Variants in ZFYVE28 observed in about 807,000 individuals in gnomAD.
The protein encoded by ZFYVE28 is lateral signaling target protein 2 homolog.
ZFYVE28 carries 40 observed loss-of-function variants against 82.1 expected under a neutral mutation model. The ratio of observed to expected loss-of-function variants is 0.49; its 90% confidence interval spans 0.38 to 0.63. ZFYVE28 has a LOEUF of 0.63. Among genes scored for constraint, ZFYVE28 ranks in the 30% least tolerant of loss-of-function variants. The probability of loss-of-function intolerance (pLI) is 0.00; values close to 1 mark genes in which losing one functional copy is unlikely to be tolerated. For missense variants in ZFYVE28, 1,321 were observed against 1,242.1 expected (o/e 1.06, Z -0.96); for synonymous variants, 612 against 546.1 (o/e 1.12, Z -1.68).
chr4:2,305,391 C>G lies in ZFYVE28; in HGVS notation c.949G>C (p.Glu317Gln), dbSNP rs61789417. 3 of 1,612,704 alleles carry G rather than the reference C, an allele frequency of 1.9e-6. No homozygotes were observed. The highest frequency in any genetic ancestry group is 2.7e-5 in the African/African-American group (2 of 75,070). The change falls in exon 8 of 13, where the codon GAG becomes CAG. Residue 317 changes from glutamate (E) to glutamine (Q), a missense_variant. Transcript: ENST00000290974. ...APALSAPLPP[E>Q]GPLSAKAKDP... Reference sequence around the variant, plus strand: ...TTGGCCTTAGCTGAGAGTGGCCCCTCAGGGGGGAGAGGGGCAGAGAGGGCA... The same window carrying G: ...TTGGCCTTAGCTGAGAGTGGCCCCTGAGGGGGGAGAGGGGCAGAGAGGGCA...
intron 8 of ZFYVE28, among the ~76,000 whole-genome samples, chr4:2,294,785 C>T (rs539826103): frequency 6.6e-5 from 10 of 152,194 alleles, no homozygotes; most frequent in East Asian, 1.9e-4. Context: ...TGTCAACAGA[C>T]GCTTCACCAA....
chr4:2,284,463 A>G (rs1296775538), intron 8 of ZFYVE28, among the ~76,000 whole-genome samples: 2 of 152,148 alleles, frequency 1.3e-5, no homozygotes, highest in Non-Finnish European at 2.9e-5. Flanking sequence ...TTTCAGAGGA[A>G]GCATTTTGGT....
At chr4:2,309,922 G>C (rs1007792068) in intron 7 of ZFYVE28, among the ~76,000 whole-genome samples, 11 of 152,044 alleles carry the variant, frequency 7.2e-5, no homozygotes, top group African/African-American at 2.7e-4. Flanking sequence ...TTTTTCAAAT[G>C]CTTTTCTTGA....
chr4:2,355,086 C>T (rs1457247525), intron 1 of ZFYVE28, among the ~76,000 whole-genome samples: 6 of 150,724 alleles, frequency 4.0e-5, no homozygotes, highest in Admixed American at 1.3e-4. Context: ...GCACGGCCAC[C>T]GTCCCTTGGC....
chr4:2,337,559 A>T, intron 4 of ZFYVE28, 63 bp from the exon 5 acceptor site: 7 of 1,250,232 alleles, frequency 5.6e-6, no homozygotes, highest in Non-Finnish European at 7.7e-6. Flanking sequence ...TCCAAAACAG[A>T]GTGGGGGGCA....
chr4:2,349,396 T>G, intron 2 of ZFYVE28, among the ~76,000 whole-genome samples: 1 of 148,118 alleles, frequency 6.8e-6, no homozygotes, highest in Admixed American at 6.7e-5. Flanking sequence ...AGGGATAGAA[T>G]TGGGAGATAT....
intron 7 of ZFYVE28, among the ~76,000 whole-genome samples, chr4:2,310,221 T>A (rs887761964): frequency 2.0e-5 from 3 of 152,046 alleles, no homozygotes; most frequent in Admixed American, 6.6e-5. Context: ...AAATTTTTTG[T>A]AGAGATCAGG....
intron 1 of ZFYVE28, among the ~76,000 whole-genome samples, chr4:2,357,898 T>A (rs1725572280): frequency 6.6e-6 from 1 of 151,582 alleles, no homozygotes; most frequent in East Asian, 1.9e-4. Flanking sequence ...GTGCAAGGAG[T>A]TCCCAGCAAC....
intron 1 of ZFYVE28, among the ~76,000 whole-genome samples, chr4:2,380,333 C>T (rs1317319737): frequency 7.9e-4 from 120 of 152,338 alleles, no homozygotes; most frequent in Non-Finnish European, 1.2e-4. Context: ...GAAACCTGCT[C>T]TCATGGCTGA....
At chr4:2,402,677 A>G (rs1376924796) in intron 1 of ZFYVE28, among the ~76,000 whole-genome samples, 1 of 152,198 alleles carries the variant, frequency 6.6e-6, no homozygotes, top group Non-Finnish European at 1.5e-5. Flanking sequence ...GCCAAGAAAA[A>G]GGCTTAGAAG....
chr4:2,281,619 C>T (rs1711982579), intron 8 of ZFYVE28, among the ~76,000 whole-genome samples: 1 of 152,238 alleles, frequency 6.6e-6, no homozygotes, highest in African/African-American at 2.4e-5. Context: ...GCAAAGCCTT[C>T]ATGACCTCAT....
chr4:2,301,991 C>T (rs998003670), intron 8 of ZFYVE28, among the ~76,000 whole-genome samples: 4 of 152,214 alleles, frequency 2.6e-5, no homozygotes, highest in South Asian at 4.1e-4. Context: ...CCCGAGTGCA[C>T]GCCAGGCCAG....
intron 1 of ZFYVE28, among the ~76,000 whole-genome samples, chr4:2,357,944 C>T (rs570627644): frequency 1.3e-5 from 2 of 152,294 alleles, no homozygotes; most frequent in South Asian, 2.1e-4. Flanking sequence ...GCTTGGTAAG[C>T]GGAGGAGACG....
At chr4:2,308,824 G>C (rs1717093083) in intron 7 of ZFYVE28, among the ~76,000 whole-genome samples, 1 of 152,174 alleles carries the variant, frequency 6.6e-6, no homozygotes, top group Admixed American at 6.5e-5. Context: ...AGACTGCATT[G>C]AACTCATAGA....
At chr4:2,337,708 C>CA (rs1169911496) in intron 4 of ZFYVE28, among the ~76,000 whole-genome samples, 10 of 152,036 alleles carry the variant, frequency 6.6e-5, no homozygotes, top group Admixed American at 6.5e-4. Flanking sequence ...CTCATCTCTA[C>CA]AAAAAATAAA....
chr4:2,318,641 C>T (rs925078381), intron 7 of ZFYVE28, among the ~76,000 whole-genome samples: 41 of 152,142 alleles, frequency 2.7e-4, no homozygotes, highest in Non-Finnish European at 5.0e-4. Flanking sequence ...TCCATCGGGG[C>T]GGCAGGGCCA....
intron 7 of ZFYVE28, among the ~76,000 whole-genome samples, chr4:2,311,533 C>CA (rs1211865324): frequency 7.2e-5 from 11 of 152,004 alleles, no homozygotes; most frequent in African/African-American, 2.7e-4. Context: ...CTCAAACAAA[C>CA]AAAAAACCTA....
At chr4:2,356,589 A>T (rs535413118) in intron 1 of ZFYVE28, among the ~76,000 whole-genome samples, 2 of 152,178 alleles carry the variant, frequency 1.3e-5, no homozygotes, top group African/African-American at 4.8e-5. Flanking sequence ...AAGTAAACAC[A>T]TTCCCTCCAT....
intron 7 of ZFYVE28, among the ~76,000 whole-genome samples, chr4:2,306,205 AG>A (rs1412361055): frequency 6.6e-6 from 1 of 152,260 alleles, no homozygotes; most frequent in African/African-American, 2.4e-5. Flanking sequence ...AGTGATGCTG[AG>A]CAGGAAGCTC....
Sources: gnomAD v4.1 joint callset for allele counts (sites outside exome capture counted in the v4.1 genomes callset) on GRCh38, gnomAD v4.1.1 for gene constraint, MANE v1.5 for transcripts, NCBI Gene and HGNC (gene_info 2026-07-23, HGNC 2026-07-21) for gene names.